The following ZSCAN5A variants were observed in gnomAD, a reference collection of about 807,000 sequenced individuals.
The protein encoded by ZSCAN5A is zinc finger and SCAN domain containing 5A.
Under a neutral mutation model 23.7 loss-of-function variants are expected in ZSCAN5A, and 12 were observed. The ratio of observed to expected loss-of-function variants is 0.51; its 90% confidence interval spans 0.32 to 0.82. The LOEUF is 0.82. Ranked by LOEUF, ZSCAN5A falls within the 40% of genes least tolerant of loss-of-function variation. ZSCAN5A has a pLI of 0.03. For missense variants in ZSCAN5A, 597 were observed against 617.9 expected, an observed-to-expected ratio of 0.97 and a Z score of 0.36; for synonymous variants, 257 against 239.9, an observed-to-expected ratio of 1.07 and a Z score of -0.66.
At chr19:56,301,288 T>C (rs905467129) in intron 2 of ZSCAN5A, among the ~76,000 whole-genome samples, 2 of 152,166 alleles carry the variant, frequency 1.3e-5, no homozygotes, top group Non-Finnish European at 2.9e-5. Context: ...ATTTATGAGT[T>C]TTCCAGGGAA....
At chr19:56,226,752 A>G (rs1002771827) in intron 2 of ZSCAN5A, among the ~76,000 whole-genome samples, 2 of 152,168 alleles carry the variant, frequency 1.3e-5, no homozygotes, top group African/African-American at 4.8e-5. Flanking sequence ...GTGGACTCCA[A>G]AACAGTGAAA....
At chr19:56,232,290 T>G (rs1055370753) in intron 2 of ZSCAN5A, among the ~76,000 whole-genome samples, 3 of 152,140 alleles carry the variant, frequency 2.0e-5, no homozygotes, top group African/African-American at 7.2e-5. Context: ...AATAGAATTT[T>G]CTAGAATTTT....
At chr19:56,302,159 G>T in intron 2 of ZSCAN5A, 1 of 1,180,164 alleles carries the variant, frequency 8.5e-7, no homozygotes, top group South Asian at 4.3e-5. Flanking sequence ...AGGGAAGTGG[G>T]GGCACAGAGG....
chr19:56,248,431 G>C (rs111811993), intron 2 of ZSCAN5A, among the ~76,000 whole-genome samples: 3,440 of 151,922 alleles, frequency 0.023, 130 homozygotes, highest in African/African-American at 0.078. Context: ...GCTAATTTTT[G>C]TATTTTTTTG....
chr19:56,255,495 T>C (rs2036632712), intron 2 of ZSCAN5A, among the ~76,000 whole-genome samples: 1 of 152,136 alleles, frequency 6.6e-6, no homozygotes, highest in Non-Finnish European at 1.5e-5. Context: ...CTCTGTGCCG[T>C]AGCCCAGTGC....
At chr19:56,310,485 C>T (rs1050636495) in intron 2 of ZSCAN5A, 9 of 152,282 alleles carry the variant, frequency 5.9e-5, no homozygotes, top group African/African-American at 2.2e-4. Context: ...ATTCGCCCAA[C>T]ACTGAAAACT....
At chr19:56,347,523 A>C (rs916503425) in intron 2 of ZSCAN5A, 1 of 152,266 alleles carries the variant, frequency 6.6e-6, no homozygotes, top group Non-Finnish European at 1.5e-5. Context: ...GAAGGAGCCA[A>C]GATGGTGTCT....
At chr19:56,246,738 G>A (rs113308568) in intron 2 of ZSCAN5A, 1 of 1,375,142 alleles carries the variant, frequency 7.3e-7, no homozygotes, top group Non-Finnish European at 1.0e-6. Context: ...CAGCAGGTGT[G>A]GTGGGAGCAA....
At chr19:56,226,855 T>A (rs2033997123) in intron 2 of ZSCAN5A, among the ~76,000 whole-genome samples, 1 of 152,096 alleles carries the variant, frequency 6.6e-6, no homozygotes. Flanking sequence ...ACCTCACACC[T>A]CAGCATCACT....
At chr19:56,233,850 G>A (rs577239327) in intron 2 of ZSCAN5A, among the ~76,000 whole-genome samples, 61 of 152,054 alleles carry the variant, frequency 4.0e-4, no homozygotes, top group Non-Finnish European at 6.2e-4. Context: ...ATGCAAATGC[G>A]GAGCCACCCT....
chr19:56,366,011 C>T (rs1173845944), intron 1 of ZSCAN5A: 1 of 152,128 alleles, frequency 6.6e-6, no homozygotes, highest in Non-Finnish European at 1.5e-5. Context: ...GTTCAATGCT[C>T]AGGAGAGAAA....
chr19:56,274,893 T>G (rs565851593), intron 2 of ZSCAN5A: 90 of 152,360 alleles, frequency 5.9e-4, no homozygotes, highest in African/African-American at 1.9e-3. Context: ...CTCCTCAATC[T>G]TTGTCTTTCA....
chr19:56,284,486 G>A (rs893299102), intron 2 of ZSCAN5A, among the ~76,000 whole-genome samples: 1 of 12,932 alleles, frequency 7.7e-5, no homozygotes, highest in Non-Finnish European at 9.0e-4. Flanking sequence ...ACAGAAATTA[G>A]ATTAGAGACA....
intron 2 of ZSCAN5A, among the ~76,000 whole-genome samples, chr19:56,324,884 GAAAAACAATAGACAACCACAAA>G (rs1037794664): frequency 7.2e-5 from 11 of 152,170 alleles, no homozygotes; most frequent in Admixed American, 3.3e-4. Flanking sequence ...ATTAGTTATT[GAAAAACAATAGACAACCACAAA>G]AAAAAGTTGA....
At position 56,307,241 on chromosome 19, in the gene ZSCAN5A, C is replaced by T. The variant is rs543294309; in HGVS notation, c.-128+6042G>A. ...TCCCACGTCGCCTGCCTTTCATCCT[C>T]TCCCTGGCATCCCCAGTGCCCTTTT... On this transcript the variant is annotated intron_variant, in intron 2 of 5. Transcript: ENST00000683990. Among the ~76,000 whole-genome samples, 3 of 152,328 alleles carry T rather than the reference C, an allele frequency of 2.0e-5. No homozygotes were observed. The South Asian group carries it at 6.2e-4, about 32-fold the overall frequency.
intron 2 of ZSCAN5A, among the ~76,000 whole-genome samples, chr19:56,255,610 C>T (rs976262030): frequency 1.4e-5 from 2 of 147,028 alleles, no homozygotes; most frequent in Admixed American, 1.4e-4. Flanking sequence ...TTCCCTTTGG[C>T]TTTTTTTTTT....
chr19:56,289,154 G>GTAAA (rs2039343385), intron 2 of ZSCAN5A, among the ~76,000 whole-genome samples: 1 of 152,212 alleles, frequency 6.6e-6, no homozygotes, highest in African/African-American at 2.4e-5. Flanking sequence ...TTCCCATGGT[G>GTAAA]TAAATACTCT....
chr19:56,297,069 C>A (rs1234742065), intron 2 of ZSCAN5A, among the ~76,000 whole-genome samples: 10 of 145,366 alleles, frequency 6.9e-5, no homozygotes, highest in African/African-American at 7.7e-5. Context: ...AACTCTGTCT[C>A]AAAAAAAAAA....
At chr19:56,246,038 T>C (rs190258224) in intron 2 of ZSCAN5A, among the ~76,000 whole-genome samples, 59 of 152,042 alleles carry the variant, frequency 3.9e-4, no homozygotes, top group South Asian at 8.3e-4. Flanking sequence ...CAGGGAGACG[T>C]TGGCACAGCG....
Sources: allele counts gnomAD v4.1 joint callset (sites outside exome capture counted in the v4.1 genomes callset), GRCh38; gene constraint gnomAD v4.1.1; transcripts MANE v1.5; gene names NCBI Gene and HGNC (gene_info 2026-07-23, HGNC 2026-07-21).